Variants in C12orf56 observed in about 807,000 individuals in gnomAD.
C12orf56 encodes uncharacterized protein C12orf56.
Under a neutral mutation model 69.9 loss-of-function variants are expected in C12orf56, and 71 were observed. That is an observed-to-expected ratio of 1.02 (90% CI 0.84 to 1.24). C12orf56 has a LOEUF of 1.24. Ranked by LOEUF, C12orf56 falls within the 50% of genes most tolerant of loss-of-function variation. The probability of loss-of-function intolerance (pLI) is 0.00; values close to 1 mark genes in which losing one functional copy is unlikely to be tolerated. For missense variants in C12orf56, 732 were observed against 738.5 expected, an observed-to-expected ratio of 0.99 and a Z score of 0.10; for synonymous variants, 276 against 274.1, an observed-to-expected ratio of 1.01 and a Z score of -0.07.
chr12:64,322,390 T>A (rs1191656602), intron 3 of C12orf56, among the ~76,000 whole-genome samples: 1 of 152,040 alleles, frequency 6.6e-6, no homozygotes, highest in East Asian at 1.9e-4. Context: ...TATTATAGTA[T>A]GTTTTTCATT....
intron 1 of C12orf56, among the ~76,000 whole-genome samples, chr12:64,387,313 G>A (rs1405243807): frequency 1.3e-5 from 2 of 152,056 alleles, no homozygotes; most frequent in African/African-American, 4.8e-5. Flanking sequence ...GAACTATATT[G>A]TGCAAGATGG....
chr12:64,367,722 T>C (rs1471047518), intron 1 of C12orf56, among the ~76,000 whole-genome samples: 1 of 150,194 alleles, frequency 6.7e-6, no homozygotes, highest in Non-Finnish European at 1.5e-5. Flanking sequence ...CAGGCTGGCC[T>C]TGAACTCTTG....
Position 64,390,470 on chromosome 12 carries a change from C to A in C12orf56, c.96G>T (p.Ala32=), listed in dbSNP as rs1045132160. Residue 32 remains alanine, a synonymous_variant, in exon 1 of 13, where the codon GCG becomes GCT. Coordinates refer to ENST00000543942, the MANE Select transcript of C12orf56 (RefSeq NM_001170633.2). ...CGATGCATGGCTCGTAGGCGCGGACCGCGTCGTAGACCTCGGGCGGCAGAT... is the reference window on the plus strand; with the variant it reads ...CGATGCATGGCTCGTAGGCGCGGACAGCGTCGTAGACCTCGGGCGGCAGAT... ...RRHLPPEVYD[A]VRAYEPCIVV... 1 of 1,606,996 alleles carries A rather than the reference C, an allele frequency of 6.2e-7. No homozygotes were observed. Among genetic ancestry groups the A allele is most frequent in the Non-Finnish European group, 8.5e-7 (1 of 1,179,676 alleles).
At chr12:64,359,516 A>T (rs2039367501) in intron 1 of C12orf56, among the ~76,000 whole-genome samples, 1 of 152,216 alleles carries the variant, frequency 6.6e-6, no homozygotes. Flanking sequence ...CTGTTTAAAA[A>T]ATGTCTCTTT....
At position 64,284,700 on chromosome 12, in the gene C12orf56, G is replaced by T; in HGVS notation, c.1274C>A (p.Thr425Asn). ...CAATGTGTTCAGGCGTGATGACTCG[G>T]TTTCTGTTTCTCTGAACATCAATAC... ...TLVLMFRETE[T>N]ESSRLNTLAA... The change falls in exon 8 of 13, where the codon ACC (threonine) becomes AAC (asparagine). Residue 425 changes from threonine (T) to asparagine (N), a missense_variant. By Grantham distance (65) the Thr-to-Asn change is moderately conservative (BLOSUM62 0). Coordinates refer to ENST00000543942, the MANE Select transcript of C12orf56 (RefSeq NM_001170633.2). The T allele has an allele frequency of 6.2e-7, 1 of 1,612,336 alleles. No individual in the cohort carries two copies. The highest frequency in any genetic ancestry group is 8.5e-7 in the Non-Finnish European group (1 of 1,179,380).
intron 2 of C12orf56, among the ~76,000 whole-genome samples, chr12:64,336,002 G>A (rs1028034187): frequency 1.3e-5 from 2 of 152,128 alleles, no homozygotes; most frequent in African/African-American, 4.8e-5. Context: ...AAAGATTCTA[G>A]CAATGACTAT....
rs1024763743 is a variant in C12orf56, at chr12:64,266,408, C to G, written c.*775G>C. On this transcript the variant is annotated 3_prime_UTR_variant, in exon 13 of 13. Transcript: ENST00000543942. ...TTTCTTTGTAGCAGATTTTAAAACT[C>G]TGGCCTCCGGCCTTGGTGGTTTCTG... The G allele has an allele frequency of 7.8e-5, 19 of 243,144 alleles. No homozygotes were observed. The highest frequency in any genetic ancestry group is 1.6e-4 in the Non-Finnish European group (18 of 113,286). The allele number at this position is 243,144 out of a possible 1,614,324, so 15.1% of individuals were successfully genotyped here.
At chr12:64,326,111 G>C (rs2038835563) in intron 3 of C12orf56, among the ~76,000 whole-genome samples, 1 of 152,070 alleles carries the variant, frequency 6.6e-6, no homozygotes, top group Non-Finnish European at 1.5e-5. Flanking sequence ...CTAGACACCA[G>C]GCAATAAAAG....
Position 64,383,618 on chromosome 12 carries a change from G to A in C12orf56, c.252+6696C>T, listed in dbSNP as rs754949382. Among the ~76,000 whole-genome samples, 14 of 151,864 alleles carry A rather than the reference G, an allele frequency of 9.2e-5. No homozygotes were observed. In the East Asian group the frequency reaches 9.8e-4, roughly 11 times the overall value. ...TCTTAAACTCCTGACCTCATGATCC[G>A]CCCACCTCAGCCTCCCCAAGTGCTG... On this transcript the variant is annotated intron_variant, in intron 1 of 12. Transcript: ENST00000543942.
chr12:64,283,542 A>G (rs946582870), intron 8 of C12orf56, among the ~76,000 whole-genome samples: 1 of 152,214 alleles, frequency 6.6e-6, no homozygotes, highest in Non-Finnish European at 1.5e-5. Context: ...CCTCTCCTGC[A>G]GCTAGGTGTG....
chr12:64,320,159 G>A (rs12300747), intron 3 of C12orf56, among the ~76,000 whole-genome samples: 36,138 of 152,186 alleles, frequency 0.24, 5,091 homozygotes, highest in East Asian at 0.5. Context: ...ACTGGGTTAC[G>A]CGGTTCTCTT....
In C12orf56 at chr12:64,322,085, T is replaced by C. The variant is rs550649521; in HGVS notation, c.489-3105A>G. Among the ~76,000 whole-genome samples, 348 of 151,908 alleles carry C rather than the reference T, an allele frequency of 2.3e-3. 2 individuals are homozygous for C. The highest frequency in any genetic ancestry group is 8.0e-3 in the African/African-American group (333 of 41,452). ...GTTTTGAACTCCTGGGCTCAAGCGA[T>C]CCTCTAGCCTAGGCCTCCCAAAGTG... On this transcript the variant is annotated intron_variant, in intron 3 of 12. Coordinates refer to ENST00000543942, the MANE Select transcript of C12orf56 (RefSeq NM_001170633.2).
intron 2 of C12orf56, among the ~76,000 whole-genome samples, chr12:64,345,307 T>C (rs897632076): frequency 6.6e-6 from 1 of 152,044 alleles, no homozygotes; most frequent in African/African-American, 2.4e-5. Context: ...CACTGTTGCC[T>C]CAGGCAGTGC....
intron 5 of C12orf56, among the ~76,000 whole-genome samples, chr12:64,310,063 G>C (rs141024456): frequency 1.8e-3 from 271 of 151,048 alleles, no homozygotes; most frequent in Admixed American, 4.4e-3. Flanking sequence ...TGTCACTCAG[G>C]CTGGAGTGCG....
At chr12:64,296,852 G>A (rs1447651225) in intron 6 of C12orf56, among the ~76,000 whole-genome samples, 1 of 130,966 alleles carries the variant, frequency 7.6e-6, no homozygotes, top group Non-Finnish European at 1.6e-5. Flanking sequence ...AAAAAGATGA[G>A]TTTGGCCCCC....
chr12:64,364,651 G>A (rs748908557), intron 1 of C12orf56, among the ~76,000 whole-genome samples: 3 of 152,088 alleles, frequency 2.0e-5, no homozygotes, highest in Non-Finnish European at 4.4e-5. Context: ...TTTGTACCTA[G>A]TTTCTCTTAG....
chr12:64,359,458 C>T (rs2039366831), intron 1 of C12orf56, among the ~76,000 whole-genome samples: 1 of 152,044 alleles, frequency 6.6e-6, no homozygotes, highest in African/African-American at 2.4e-5. Flanking sequence ...GATGTATTTC[C>T]TCCTTTATAC....
chr12:64,382,230 C>A (rs2039728168), intron 1 of C12orf56, among the ~76,000 whole-genome samples: 1 of 146,702 alleles, frequency 6.8e-6, no homozygotes, highest in Non-Finnish European at 1.5e-5. Flanking sequence ...CCACTGCACT[C>A]CAGCCTGGGC....
At chr12:64,365,036 G>A (rs1381905670) in intron 1 of C12orf56, among the ~76,000 whole-genome samples, 1 of 151,934 alleles carries the variant, frequency 6.6e-6, no homozygotes, top group African/African-American at 2.4e-5. Context: ...ATGAAATATT[G>A]AAACAATGTC....
Sources: allele counts gnomAD v4.1 joint callset (sites outside exome capture counted in the v4.1 genomes callset), GRCh38; gene constraint gnomAD v4.1.1; transcripts MANE v1.5; gene names NCBI Gene and HGNC (gene_info 2026-07-23, HGNC 2026-07-21).